CEP15: variants seen among roughly 807,000 people sequenced by gnomAD.
CEP15 encodes the protein centrosomal protein 15.
At chr3:62,334,601 AT>A in the CEP15 span, 1 of 152,152 alleles carries the variant, frequency 6.6e-6, no homozygotes, top group Non-Finnish European at 1.5e-5. This position sits in a 1 kb window ranked among gnomAD's most constrained non-coding sequence, Gnocchi z 4.9. Context: ...TCCGATGACA[AT>A]TTCATCTATA....
the CEP15 span, chr3:62,331,506 A>G: frequency 1.0e-6 from 1 of 952,842 alleles, no homozygotes; most frequent in Non-Finnish European, 1.6e-6. Context: ...ATATTTATTC[A>G]GTAAATTAAA....
At chr3:62,329,093 C>T in the CEP15 span, among the ~76,000 whole-genome samples, 1 of 151,940 alleles carries the variant, frequency 6.6e-6, no homozygotes. Context: ...GTAAGTACTC[C>T]TCAAGTATTT....
chr3:62,320,875 A>T, the CEP15 span, among the ~76,000 whole-genome samples: 1 of 152,088 alleles, frequency 6.6e-6, no homozygotes, highest in South Asian at 2.1e-4. Context: ...ATTTGGTTTA[A>T]TGCTCTCATG....
At chr3:62,328,359 T>C in the CEP15 span, among the ~76,000 whole-genome samples, 1 of 152,242 alleles carries the variant, frequency 6.6e-6, no homozygotes, top group African/African-American at 2.4e-5. Context: ...TTCAGTAAGA[T>C]AATTTTTACA....
At chr3:62,324,453 C>T in the CEP15 span, among the ~76,000 whole-genome samples, 1 of 152,042 alleles carries the variant, frequency 6.6e-6, no homozygotes, top group Non-Finnish European at 1.5e-5. Context: ...AGTTGGTAGA[C>T]ACTTTAAAAA....
the CEP15 span, among the ~76,000 whole-genome samples, chr3:62,327,854 T>C: frequency 6.6e-6 from 1 of 152,200 alleles, no homozygotes; most frequent in African/African-American, 2.4e-5. Flanking sequence ...TTAATTTATC[T>C]GGGATTTGCA....
At chr3:62,322,812 G>A in the CEP15 span, among the ~76,000 whole-genome samples, 1 of 151,992 alleles carries the variant, frequency 6.6e-6, no homozygotes, top group African/African-American at 2.4e-5. This position sits in a 1 kb window ranked among gnomAD's most constrained non-coding sequence, Gnocchi z 5.5. Flanking sequence ...TATTTTCATC[G>A]ATAGGCATGA....
the CEP15 span, among the ~76,000 whole-genome samples, chr3:62,323,223 T>C: frequency 1.3e-5 from 2 of 152,310 alleles, no homozygotes; most frequent in South Asian, 4.1e-4. Flanking sequence ...GCTCTTGATA[T>C]CAAGAACCCA....
the CEP15 span, among the ~76,000 whole-genome samples, chr3:62,323,334 TCAGAGAAGAA>T: frequency 6.6e-6 from 1 of 152,138 alleles, no homozygotes; most frequent in African/African-American, 2.4e-5. Context: ...CCAAAAGGTC[TCAGAGAAGAA>T]GCTAAGCCTA....
chr3:62,333,288 C>T, the CEP15 span: 1 of 1,610,634 alleles, frequency 6.2e-7, no homozygotes, highest in Non-Finnish European at 8.5e-7. The surrounding 1 kb of genome is among the most constrained non-coding windows in gnomAD (Gnocchi z 4.0). Context: ...AGAATATATT[C>T]CCAAATGGGA....
At chr3:62,329,283 C>G in the CEP15 span, among the ~76,000 whole-genome samples, 1 of 152,066 alleles carries the variant, frequency 6.6e-6, no homozygotes, top group Non-Finnish European at 1.5e-5. Flanking sequence ...CACTATTGTT[C>G]ATTCATTATA....
the CEP15 span, among the ~76,000 whole-genome samples, chr3:62,329,145 A>T: frequency 0.36 from 55,275 of 152,036 alleles, 11,898 homozygotes; most frequent in East Asian, 0.58. Flanking sequence ...AGCATTGGGA[A>T]TGAAATGGAA....
At chr3:62,328,420 C>T in the CEP15 span, among the ~76,000 whole-genome samples, 16 of 152,176 alleles carry the variant, frequency 1.1e-4, no homozygotes, top group Non-Finnish European at 1.5e-4. Context: ...CCAGTCAATA[C>T]TGTGTTCTAA....
chr3:62,320,024 G>A, the CEP15 span, among the ~76,000 whole-genome samples: 1 of 152,346 alleles, frequency 6.6e-6, no homozygotes, highest in East Asian at 1.9e-4. Context: ...ATAAAGGAAA[G>A]ACCTTGAATT....
At chr3:62,334,394 C>A in the CEP15 span, 1 of 152,044 alleles carries the variant, frequency 6.6e-6, no homozygotes, top group Non-Finnish European at 1.5e-5. This position sits in a 1 kb window ranked among gnomAD's most constrained non-coding sequence, Gnocchi z 4.9. Flanking sequence ...GCTAAATACA[C>A]AGCAACAACA....
chr3:62,324,293 T>A, the CEP15 span, among the ~76,000 whole-genome samples: 1 of 151,520 alleles, frequency 6.6e-6, no homozygotes, highest in African/African-American at 2.4e-5. Flanking sequence ...CTTGGGAGGC[T>A]GTGGCAGGAA....
the CEP15 span, among the ~76,000 whole-genome samples, chr3:62,330,895 TCTTCA>T: frequency 6.6e-6 from 1 of 152,208 alleles, no homozygotes; most frequent in Non-Finnish European, 1.5e-5. Context: ...AGACTAGAAC[TCTTCA>T]CTTTTAAGAT....
At chr3:62,326,929 A>T in the CEP15 span, among the ~76,000 whole-genome samples, 1 of 152,212 alleles carries the variant, frequency 6.6e-6, no homozygotes, top group African/African-American at 2.4e-5. Context: ...ATCAATAAGA[A>T]ATTACCACTA....
At chr3:62,323,357 CTG>C in the CEP15 span, among the ~76,000 whole-genome samples, 1 of 152,220 alleles carries the variant, frequency 6.6e-6, no homozygotes, top group African/African-American at 2.4e-5. Flanking sequence ...TAAGCCTAGC[CTG>C]TGTTTCAATA....
Sources: allele counts gnomAD v4.1 joint callset (sites outside exome capture counted in the v4.1 genomes callset), GRCh38; gene constraint gnomAD v4.1.1; non-coding constraint Gnocchi (gnomAD v3.1); transcripts MANE v1.5; gene names NCBI Gene and HGNC (gene_info 2026-07-23, HGNC 2026-07-21).